ACE: variants seen among roughly 807,000 people sequenced by gnomAD.
ACE encodes the protein angiotensin-converting enzyme.
In ACE, 122 loss-of-function variants were observed where a neutral mutation model predicts 162.3. The observed-to-expected ratio is 0.75, with a 90% CI of 0.65 to 0.87. The LOEUF (loss-of-function observed/expected upper bound fraction) is 0.87. Ranked by LOEUF, ACE falls within the 40% of genes least tolerant of loss-of-function variation. The pLI is 0.00. For missense variants in ACE, 1,799 were observed against 1,735.1 expected, an observed-to-expected ratio of 1.04 and a Z score of -0.65; for synonymous variants, 796 against 720.6, an observed-to-expected ratio of 1.10 and a Z score of -1.68.
chr17:63,484,901 A>G lies in ACE; in HGVS notation c.1922-335A>G. 1.3e-6 allele frequency: 2 copies of G among 1,592,498 alleles called. No homozygotes were observed. The highest frequency in any genetic ancestry group is 1.7e-6 in the Non-Finnish European group (2 of 1,169,520). On this transcript the variant is annotated intron_variant, in intron 12 of 24. Transcript: ENST00000290866. This position sits in a 1 kb window ranked among gnomAD's most constrained non-coding sequence, Gnocchi z 4.0. ...GGGTTGGGCTACTGCAGGACTTCCC[A>G]GCCTCCTCTTCCTGCTGCTCTGCTA...
In ACE at chr17:63,482,420, G is replaced by A. The variant is rs199895553; in HGVS notation, c.1119-46G>A. ...CTGCCCTGTGCCCTGGCCCTGCCCT[G>A]TTCTGTCCATCCGTCACTCTCACCC... On this transcript the variant is annotated intron_variant, in intron 7 of 24. Transcript: ENST00000290866. 6.3e-6 allele frequency: 10 copies of A among 1,575,254 alleles called. 1 individual carries two copies. The African/African-American group carries it at 1.2e-4, about 19-fold the overall frequency.
chr17:63,483,567 G>GCGGCGGCCCCC lies in ACE; in HGVS notation c.1586+10_1586+11insGGCGGCCCCCC. 1 of 1,589,582 alleles carries GCGGCGGCCCCC rather than the reference G, an allele frequency of 6.3e-7. No homozygotes were observed. The highest frequency in any genetic ancestry group is 8.6e-7 in the Non-Finnish European group (1 of 1,165,688). On this transcript the variant is annotated intron_variant, in intron 10 of 24. Transcript: ENST00000290866. ...GTGACACCATACATCAGGTATTAGC[G>GCGGCGGCCCCC]CCCCCACCCCACCCACCCCCAGTAC...
At chr17:63,494,554 A>G in intron 22 of ACE, 84 bp downstream of exon 22, 4 of 1,275,510 alleles carry the variant, frequency 3.1e-6, no homozygotes, top group Non-Finnish European at 3.4e-6. Flanking sequence ...CCGGTCCACA[A>G]GCTCTGTCAG....
At chr17:63,497,111 A>G (rs773969373) in intron 24 of ACE, 26 bp from the exon 25 acceptor site, 10 of 1,595,810 alleles carry the variant, frequency 6.3e-6, no homozygotes, top group South Asian at 5.6e-5. Flanking sequence ...TGCCCTGCCC[A>G]TGCTGTCTCC....
chr17:63,488,552 T>TTTTTTAGA, intron 15 of ACE, 96 bp from the exon 16 acceptor site: 29 of 1,414,326 alleles, frequency 2.1e-5, no homozygotes, highest in South Asian at 8.3e-5. Flanking sequence ...TTATGTGGTT[T>TTTTTTAGA]CGCCAATTTT....
chr17:63,481,328 G>T (rs1468421798), intron 6 of ACE, 140 bp downstream of exon 6: 7 of 929,464 alleles, frequency 7.5e-6, no homozygotes, highest in African/African-American at 4.9e-5. Context: ...GTGAGCTGGG[G>T]TCGGCCCCCT....
Position 63,477,275 on chromosome 17 carries a change from C to G in ACE, c.181C>G (p.Leu61Val). 1 of 1,485,862 alleles carries G rather than the reference C, an allele frequency of 6.7e-7. No individual in the cohort carries two copies. Among genetic ancestry groups the G allele is most frequent in the Non-Finnish European group, 8.9e-7 (1 of 1,117,720 alleles). The allele number at this position is 1,485,862 out of a possible 1,614,324, so 92.0% of individuals were successfully genotyped here. The change falls in exon 1 of 25, where the codon CTG (leucine) becomes GTG (valine). Residue 61 changes from leucine (L) to valine (V), a missense_variant. By Grantham distance (32) the Leu-to-Val change is conservative. Coordinates refer to ENST00000290866, the MANE Select transcript of ACE (RefSeq NM_000789.4). The stretch of plus-strand genomic sequence containing the variant: ...CTACAACTCCAGCGCCGAACAGGTG[C>G]TGTTCCAGAGCGTGGCCGCCAGCTG... ...QSYNSSAEQVLFQSVAASWAH... is the reference protein window; with the variant it reads ...QSYNSSAEQVVFQSVAASWAH...
At chr17:63,479,643 C>A in intron 3 of ACE, 126 bp from the exon 4 acceptor site, 1 of 1,325,850 alleles carries the variant, frequency 7.5e-7, no homozygotes, top group Non-Finnish European at 1.1e-6. Context: ...TGGCCCCTGT[C>A]TCTGGGGGCA....
Position 63,484,669 on chromosome 17 carries a change from G to A in ACE, c.1921+128G>A. ...GTACCCTGTCCTGGAGGGCCAGGCA[G>A]CCCCCCAAGCTCATCAGCAGGGCCT... On this transcript the variant is annotated intron_variant, in intron 12 of 24. Transcript: ENST00000290866. The surrounding 1 kb of genome is among the most constrained non-coding windows in gnomAD (Gnocchi z 4.0). 6.9e-7 allele frequency: 1 copy of A among 1,441,896 alleles called. No individual in the cohort carries two copies. Among genetic ancestry groups the A allele is most frequent in the Non-Finnish European group, 9.2e-7 (1 of 1,092,638 alleles). 89.3% of individuals were successfully genotyped at this position (1,441,896 alleles called of 1,614,324 possible). A position where few individuals can be genotyped will look rare whatever the true frequency, so the allele number is the denominator to read the frequency against.
In ACE at chr17:63,480,669, A is replaced by G. The variant is rs1414008515; in HGVS notation, c.847+141A>G. ...TGGGGCATCATACTGTTTGCTTCAC[A>G]TGCAGGAGACCATTCGTGTTCCCAC... is the stretch of plus-strand genomic sequence containing the variant. On this transcript the variant is annotated intron_variant, in intron 5 of 24. Coordinates refer to ENST00000290866, the MANE Select transcript of ACE (RefSeq NM_000789.4). 4 of 966,152 alleles carry G rather than the reference A, an allele frequency of 4.1e-6. No individual in the cohort carries two copies. The African/African-American group carries it at 4.8e-5, about 12-fold the overall frequency. The allele number at this position is 966,152 out of a possible 1,614,324, so 59.8% of individuals were successfully genotyped here. A position where few individuals can be genotyped will look rare whatever the true frequency, so the allele number is the denominator to read the frequency against.
At chr17:63,489,601 C>A (rs373786051) in intron 17 of ACE, among the ~76,000 whole-genome samples, 1 of 152,264 alleles carries the variant, frequency 6.6e-6, no homozygotes, top group African/African-American at 2.4e-5. Flanking sequence ...GAATGTAAAT[C>A]TACTTCAACC....
intron 19 of ACE, among the ~76,000 whole-genome samples, chr17:63,492,843 G>A (rs979415710): frequency 6.6e-6 from 1 of 152,136 alleles, no homozygotes; most frequent in Admixed American, 6.5e-5. Flanking sequence ...GCAACATAGC[G>A]AGACCCCATT....
chr17:63,483,529 T>C lies in ACE; in HGVS notation c.1557T>C (p.Phe519=), dbSNP rs551950090. 6.8e-6 allele frequency: 11 copies of C among 1,613,990 alleles called. No individual in the cohort carries two copies. Among genetic ancestry groups the C allele is most frequent in the Non-Finnish European group, 9.3e-6 (11 of 1,180,026 alleles). The change falls in exon 10 of 25, where the codon TTT becomes TTC. Residue 519 remains phenylalanine, a synonymous_variant. Coordinates refer to ENST00000290866, the MANE Select transcript of ACE (RefSeq NM_000789.4). ...CCCACTTTGATGCTGGAGCTAAGTTTCATGTTCCAAATGTGACACCATACA... is the reference window on the plus strand; with the variant it reads ...CCCACTTTGATGCTGGAGCTAAGTTCCATGTTCCAAATGTGACACCATACA... The part of the protein sequence containing the change: ...NETHFDAGAK[F]HVPNVTPYIR...
chr17:63,486,313 T>C, intron 13 of ACE: 1 of 574,364 alleles, frequency 1.7e-6, no homozygotes, highest in Non-Finnish European at 3.1e-6. Flanking sequence ...CACTTGGGGG[T>C]CTTCTCTTCT....
chr17:63,495,726 CAG>C (rs578157885), intron 22 of ACE, among the ~76,000 whole-genome samples: 29 of 152,338 alleles, frequency 1.9e-4, no homozygotes, highest in South Asian at 1.4e-3. Flanking sequence ...ATTCTCCAAA[CAG>C]GGGTGGGCAA....
Position 63,485,078 on chromosome 17 carries a change from C to G in ACE, c.1922-158C>G, listed in dbSNP as rs371317152. On this transcript the variant is annotated intron_variant, in intron 12 of 24. Coordinates refer to ENST00000290866, the MANE Select transcript of ACE (RefSeq NM_000789.4). ...AGCCCAGAGCCCAAGTGGGACCATG[C>G]AGGGGAGGGGCAGGGTGCCAGGGGT... 73 of 1,603,066 alleles carry G rather than the reference C, an allele frequency of 4.6e-5. No homozygotes were observed. The African/African-American group carries it at 8.4e-4, about 19-fold the overall frequency.
Position 63,484,686 on chromosome 17 carries a change from G to A in ACE, c.1921+145G>A. On this transcript the variant is annotated intron_variant, in intron 12 of 24. Coordinates refer to ENST00000290866, the MANE Select transcript of ACE (RefSeq NM_000789.4). The surrounding 1 kb of genome is among the most constrained non-coding windows in gnomAD (Gnocchi z 4.0). ...GCCAGGCAGCCCCCCAAGCTCATCA[G>A]CAGGGCCTGCGAGTGGGGACAGGCA... 1.4e-6 allele frequency: 2 copies of A among 1,447,200 alleles called. No homozygotes were observed. Among genetic ancestry groups the A allele is most frequent in the South Asian group, 1.4e-5 (1 of 69,660 alleles). The allele number at this position is 1,447,200 out of a possible 1,614,324, so 89.6% of individuals were successfully genotyped here.
At position 63,483,931 on chromosome 17, in the gene ACE, T is replaced by C. The variant is rs1012505443; in HGVS notation, c.1669T>C (p.Cys557Arg). The C allele has an allele frequency of 5.6e-6, 9 of 1,613,944 alleles. No homozygotes were observed. Among genetic ancestry groups the C allele is most frequent in the Middle Eastern group, 1.6e-4 (1 of 6,084 alleles). The change falls in exon 11 of 25, where the codon TGT becomes CGT. Residue 557 changes from cysteine to arginine, a missense_variant. Cys to Arg is a radical substitution (Grantham distance 180, BLOSUM62 -3). Transcript: ENST00000290866. ...EAGYEGPLHQ[C>R]DIYRSTKAGA... is the part of the protein sequence containing the mutation. ...AGGCTATGAGGGCCCACTGCACCAG[T>C]GTGACATCTACCGGTCCACCAAGGC...
chr17:63,487,316 ACT>A lies in ACE; in HGVS notation c.2305+249_2305+250del, dbSNP rs553288543. 1.6e-4 allele frequency among the ~76,000 whole-genome samples: 24 copies of A among 151,258 alleles called. No individual in the cohort carries two copies. The East Asian group carries it at 4.7e-3, about 30-fold the overall frequency. On this transcript the variant is annotated intron_variant, in intron 15 of 24. Transcript: ENST00000290866. ...AACCGCCCTCTGCTTAAGGGTGTCCACTCTCTCCTGTCCTCTCTGCATGCCGC... is the reference window on the plus strand; with the variant it reads ...AACCGCCCTCTGCTTAAGGGTGTCCACTCTCCTGTCCTCTCTGCATGCCGC...
Sources: allele counts gnomAD v4.1 joint callset (sites outside exome capture counted in the v4.1 genomes callset), GRCh38; gene constraint gnomAD v4.1.1; non-coding constraint Gnocchi (gnomAD v3.1); transcripts MANE v1.5; gene names NCBI Gene and HGNC (gene_info 2026-07-23, HGNC 2026-07-21).